The following AKT3 variants were observed in gnomAD, a reference collection of about 807,000 sequenced individuals.
The protein encoded by AKT3 is RAC-gamma serine/threonine-protein kinase.
Under a neutral mutation model 65.3 loss-of-function variants are expected in AKT3, and 15 were observed. The ratio of observed to expected loss-of-function variants is 0.23; its 90% CI spans 0.15 to 0.35. AKT3 has a LOEUF of 0.35. AKT3 is among the 10% of genes least tolerant of loss of function. AKT3 has a pLI of 1.00. For missense variants in AKT3, 243 were observed against 576.5 expected, an observed-to-expected ratio of 0.42 and a Z score of 5.92; for synonymous variants, 206 against 183.8, an observed-to-expected ratio of 1.12 and a Z score of -0.98.
At chr1:243,519,931 C>T (rs763315126) in intron 12 of AKT3, among the ~76,000 whole-genome samples, 1 of 152,136 alleles carries the variant, frequency 6.6e-6, no homozygotes, top group East Asian at 1.9e-4. Context: ...TTGAACTTGA[C>T]GGAGCTTATG....
At position 243,552,621 on chromosome 1, in the gene AKT3, T is replaced by C; in HGVS notation, c.1163+108A>G. On this transcript the variant is annotated intron_variant, in intron 11 of 13. Coordinates refer to ENST00000673466, the MANE Select transcript of AKT3 (RefSeq NM_005465.7). ...GTCAGGATCTCAGTGGGAAGATGTC[T>C]ACACCAAATACATTGCTTCTTGGAG... is the stretch of plus-strand genomic sequence containing the variant. 4.0e-6 allele frequency: 4 copies of C among 1,005,304 alleles called. No individual in the cohort carries two copies. The highest frequency in any genetic ancestry group is 6.0e-6 in the Non-Finnish European group (4 of 664,766). The allele number at this position is 1,005,304 out of a possible 1,614,324, so 62.3% of individuals were successfully genotyped here.
chr1:243,848,909 A>T (rs1695628692), intron 1 of AKT3, among the ~76,000 whole-genome samples: 1 of 152,224 alleles, frequency 6.6e-6, no homozygotes, highest in Non-Finnish European at 1.5e-5. Flanking sequence ...TTTCATAACA[A>T]CATTATTTTG....
intron 2 of AKT3, among the ~76,000 whole-genome samples, chr1:243,725,526 A>G (rs999664379): frequency 6.6e-6 from 1 of 152,210 alleles, no homozygotes; most frequent in Non-Finnish European, 1.5e-5. Context: ...TCTACTTCAG[A>G]GACAAGAATA....
At chr1:243,802,197 TTC>T (rs1692421267) in intron 2 of AKT3, among the ~76,000 whole-genome samples, 1 of 152,168 alleles carries the variant, frequency 6.6e-6, no homozygotes, top group African/African-American at 2.4e-5. Context: ...CTGGCTTAAT[TTC>T]TCTTTCCTCA....
intron 7 of AKT3, among the ~76,000 whole-genome samples, 177 bp downstream of exon 7, chr1:243,614,908 AATTATCAATGC>A (rs1323970361): frequency 3.3e-5 from 5 of 152,128 alleles, no homozygotes; most frequent in Non-Finnish European, 5.9e-5. Flanking sequence ...TAATGGGAGG[AATTATCAATGC>A]ATACACACTG....
intron 4 of AKT3, among the ~76,000 whole-genome samples, chr1:243,650,239 C>T (rs912500958): frequency 1.3e-5 from 2 of 152,024 alleles, no homozygotes; most frequent in African/African-American, 4.8e-5. Flanking sequence ...TATCCTTTGC[C>T]CACTTTTTGA....
chr1:243,545,428 T>C (rs772229547), intron 12 of AKT3, 82 bp downstream of exon 12: 15 of 779,808 alleles, frequency 1.9e-5, no homozygotes, highest in Non-Finnish European at 2.6e-5. Context: ...TTAACTTTTA[T>C]TCACTTAAAA....
chr1:243,598,204 T>A (rs1036447743), intron 8 of AKT3, among the ~76,000 whole-genome samples: 1 of 152,112 alleles, frequency 6.6e-6, no homozygotes, highest in Non-Finnish European at 1.5e-5. Context: ...GAAATACCTC[T>A]CAAAAAATTA....
At chr1:243,729,713 ATGT>A (rs1260977392) in intron 2 of AKT3, among the ~76,000 whole-genome samples, 1 of 152,250 alleles carries the variant, frequency 6.6e-6, no homozygotes, top group African/African-American at 2.4e-5. Flanking sequence ...AAAATTCCAA[ATGT>A]TGTATTTTAA....
intron 12 of AKT3, among the ~76,000 whole-genome samples, chr1:243,539,719 T>C (rs1012429284): frequency 2.0e-5 from 3 of 152,128 alleles, no homozygotes; most frequent in Admixed American, 2.0e-4. Flanking sequence ...TGGAAATTAA[T>C]CAACACACTT....
At position 243,783,264 on chromosome 1, in the gene AKT3, G is replaced by C. The variant is rs552555212; in HGVS notation, c.46+59861C>G. Among the ~76,000 whole-genome samples, 4 of 152,278 alleles carry C rather than the reference G, an allele frequency of 2.6e-5. No individual in the cohort carries two copies. In the East Asian group the frequency reaches 5.8e-4, roughly 22 times the overall value. On this transcript the variant is annotated intron_variant, in intron 2 of 13. Transcript: ENST00000673466. ...CAGCTTCACCTCACCCTCAACCTCT[G>C]GGAAGGAAAGAGGAGCTAGAAATGG...
At chr1:243,598,538 C>T (rs1676789100) in intron 8 of AKT3, among the ~76,000 whole-genome samples, 1 of 152,120 alleles carries the variant, frequency 6.6e-6, no homozygotes, top group Admixed American at 6.6e-5. Flanking sequence ...AATAGCCTAA[C>T]AGGAACTGCA....
At chr1:243,826,153 G>A (rs575251632) in intron 2 of AKT3, among the ~76,000 whole-genome samples, 80 of 151,972 alleles carry the variant, frequency 5.3e-4, no homozygotes, top group African/African-American at 1.8e-3. Context: ...AAAAAAGAAA[G>A]GAGCATAAAC....
chr1:243,580,388 T>C (rs946850990), intron 8 of AKT3, among the ~76,000 whole-genome samples: 7 of 152,140 alleles, frequency 4.6e-5, no homozygotes, highest in African/African-American at 1.7e-4. Flanking sequence ...CTGGAGTCAC[T>C]GTGACGGAAA....
chr1:243,794,365 A>G (rs2148345766), intron 2 of AKT3: 1 of 152,296 alleles, frequency 6.6e-6, no homozygotes, highest in South Asian at 2.1e-4. Flanking sequence ...ATACTATACA[A>G]TGTGATTAGG....
intron 2 of AKT3, among the ~76,000 whole-genome samples, chr1:243,835,753 T>C (rs1203731631): frequency 1.3e-5 from 2 of 152,162 alleles, no homozygotes; most frequent in Non-Finnish European, 2.9e-5. Flanking sequence ...TGAGAATGCA[T>C]ACTGTTAGTG....
At chr1:243,594,824 C>T (rs1676482945) in intron 8 of AKT3, among the ~76,000 whole-genome samples, 1 of 152,160 alleles carries the variant, frequency 6.6e-6, no homozygotes, top group South Asian at 2.1e-4. Flanking sequence ...AAGTGGTCTT[C>T]CTGCCTCAGC....
At chr1:243,612,153 G>C (rs528543881) in intron 8 of AKT3, among the ~76,000 whole-genome samples, 1 of 152,052 alleles carries the variant, frequency 6.6e-6, no homozygotes, top group African/African-American at 2.4e-5. Flanking sequence ...CTGTCACCCA[G>C]GCTGAAGTGC....
chr1:243,654,147 G>T (rs779377122), intron 4 of AKT3, among the ~76,000 whole-genome samples: 3 of 151,786 alleles, frequency 2.0e-5, no homozygotes, highest in Admixed American at 6.6e-5. Context: ...TGTCTTTTTA[G>T]TAATTGTAAC....
Sources: gnomAD v4.1 joint callset for allele counts (sites outside exome capture counted in the v4.1 genomes callset) on GRCh38, gnomAD v4.1.1 for gene constraint, MANE v1.5 for transcripts, NCBI Gene and HGNC (gene_info 2026-07-23, HGNC 2026-07-21) for gene names.